The following SLC38A10 variants were observed in gnomAD, a reference collection of about 807,000 sequenced individuals.
SLC38A10 encodes solute carrier family 38 member 10.
A neutral mutation model predicts 81.0 loss-of-function variants in SLC38A10; 53 were observed. The observed-to-expected ratio is 0.65, with a 90% CI of 0.53 to 0.82. The LOEUF is 0.82. Ranked by LOEUF, SLC38A10 falls within the 40% of genes least tolerant of loss-of-function variation. SLC38A10 has a pLI of 0.00. For missense variants in SLC38A10, 1,471 were observed against 1,545.0 expected (o/e 0.95, Z 0.80); for synonymous variants, 665 against 655.3 (o/e 1.01, Z -0.23).
rs1473128524 is a variant in SLC38A10, at chr17:81,270,939, G to C, written c.1110C>G (p.His370Gln). Residue 370 changes from histidine (H) to glutamine (Q), a missense_variant, in exon 10 of 16, where the codon CAC becomes CAG. This residue lies in a region of SLC38A10 where 720 missense variants were observed against 827.7 expected (regional missense o/e 0.87). Transcript: ENST00000374759. The surrounding 1 kb of genome is among the most constrained non-coding windows in gnomAD (Gnocchi z 4.0). ...GCACCTGGGAGGAAAGTGCGTTCTTGTGGATTTTCTTGTAGATCAGCGCCG... is the reference window on the plus strand; with the variant it reads ...GCACCTGGGAGGAAAGTGCGTTCTTCTGGATTTTCTTGTAGATCAGCGCCG... The part of the protein sequence containing the change: ...ICPALIYKKI[H>Q]KNALSSQVVL... 4 of 1,614,016 alleles carry C rather than the reference G, an allele frequency of 2.5e-6. No individual in the cohort carries two copies. The highest frequency in any genetic ancestry group is 1.7e-5 in the Admixed American group (1 of 60,026).
At chr17:81,294,686 G>C in intron 1 of SLC38A10, 137 bp downstream of exon 1, 1 of 664,330 alleles carries the variant, frequency 1.5e-6, no homozygotes, top group Non-Finnish European at 2.3e-6. Context: ...GGGACCCAGA[G>C]GGTCGCCCCG....
chr17:81,288,113 G>A lies in SLC38A10; in HGVS notation c.217+1578C>T, dbSNP rs1222830590. Among the ~76,000 whole-genome samples the A allele has an allele frequency of 2.0e-5, 3 of 152,220 alleles. No individual in the cohort carries two copies. Among genetic ancestry groups the A allele is most frequent in the African/African-American group, 7.2e-5 (3 of 41,454 alleles). On this transcript the variant is annotated intron_variant, in intron 2 of 15. Coordinates refer to ENST00000374759, the MANE Select transcript of SLC38A10 (RefSeq NM_001037984.3). This position sits in a 1 kb window ranked among gnomAD's most constrained non-coding sequence, Gnocchi z 5.4. ...CACCATTCTCATCAGGAAGGGAGGA[G>A]AAGGAATACATCCCCTCCGGTTCTG...
In SLC38A10 at chr17:81,252,536, T is replaced by C. The variant is rs1440259708; in HGVS notation, c.1604A>G (p.Gln535Arg). The C allele has an allele frequency of 6.2e-7, 1 of 1,613,388 alleles. No individual in the cohort carries two copies. Among genetic ancestry groups the C allele is most frequent in the South Asian group, 1.1e-5 (1 of 91,086 alleles). Residue 535 changes from glutamine to arginine, a missense_variant, in exon 13 of 16, where the codon CAG becomes CGG. This residue lies in a region of SLC38A10 where 720 missense variants were observed against 827.7 expected (regional missense o/e 0.87). Transcript: ENST00000374759. The part of the protein sequence containing the change: ...RHAGGKAPGV[Q>R]GQMAPPLPDS... ...GGGCAGAGGCGGCGCCATCTGGCCC[T>C]GGACCCCTGGAGCCTTTCCGCCCGC...
Position 81,277,332 on chromosome 17 carries a change from C to T in SLC38A10, c.627-199G>A, listed in dbSNP as rs2063171068. On this transcript the variant is annotated intron_variant, in intron 6 of 15. Coordinates refer to ENST00000374759, the MANE Select transcript of SLC38A10 (RefSeq NM_001037984.3). The surrounding 1 kb of genome is among the most constrained non-coding windows in gnomAD (Gnocchi z 4.5). Reference sequence around the variant, plus strand: ...CAGGAGCGTTGCAGCAGCCCCCACTCAGGACACCCCCCAGAGCGTGCACCA... The same window carrying T: ...CAGGAGCGTTGCAGCAGCCCCCACTTAGGACACCCCCCAGAGCGTGCACCA... 6.6e-6 allele frequency among the ~76,000 whole-genome samples: 1 copy of T among 152,198 alleles called. No homozygotes were observed.
rs2062937894 is a variant in SLC38A10, at chr17:81,253,316, C to G, written c.1289-76G>C. 6.6e-7 allele frequency: 1 copy of G among 1,516,356 alleles called. No individual in the cohort carries two copies. The highest frequency in any genetic ancestry group is 1.2e-5 in the South Asian group (1 of 81,324). 93.9% of individuals were successfully genotyped at this position (1,516,356 alleles called of 1,614,324 possible). On this transcript the variant is annotated intron_variant, in intron 11 of 15. Transcript: ENST00000374759. This position sits in a 1 kb window ranked among gnomAD's most constrained non-coding sequence, Gnocchi z 4.1. Reference sequence around the variant, plus strand: ...CGGGGCAGCTCTCCCTGGACTGTTACCATATTTTCCAGCCAAATGGCAGAG... The same window carrying G: ...CGGGGCAGCTCTCCCTGGACTGTTAGCATATTTTCCAGCCAAATGGCAGAG...
At position 81,271,105 on chromosome 17, in the gene SLC38A10, G is replaced by A. The variant is rs922432394; in HGVS notation, c.1025-81C>T. The A allele has an allele frequency of 2.7e-5, 31 of 1,134,414 alleles. No individual in the cohort carries two copies. In the Admixed American group the frequency reaches 2.9e-4, roughly 11 times the overall value. 70.3% of individuals were successfully genotyped at this position (1,134,414 alleles called of 1,614,324 possible). A position where few individuals can be genotyped will look rare whatever the true frequency, so the allele number is the denominator to read the frequency against. On this transcript the variant is annotated intron_variant, in intron 9 of 15. Transcript: ENST00000374759. ...GGACCTGAGCTTTTGCCCTGCACAC[G>A]GGTGAGCAAGCCAGCATTGAAGGAA...
chr17:81,257,873 G>A (rs2062987205), intron 11 of SLC38A10, among the ~76,000 whole-genome samples: 1 of 152,272 alleles, frequency 6.6e-6, no homozygotes, highest in South Asian at 2.1e-4. Context: ...CAGCAAGGGA[G>A]GGGCGTGCAG....
intron 9 of SLC38A10, among the ~76,000 whole-genome samples, chr17:81,271,748 ATTT>A (rs756214430): frequency 4.1e-5 from 5 of 121,138 alleles, no homozygotes; most frequent in South Asian, 2.7e-4. Flanking sequence ...AAGCTGACAG[ATTT>A]TTTTTTTTTT....
chr17:81,252,609 C>T lies in SLC38A10; in HGVS notation c.1531G>A (p.Gly511Ser), dbSNP rs751290805. 35 of 1,612,976 alleles carry T rather than the reference C, an allele frequency of 2.2e-5. No individual in the cohort carries two copies. Among genetic ancestry groups the T allele is most frequent in the Non-Finnish European group, 2.7e-5 (32 of 1,180,026 alleles). ...VPHDKVVVDE[G>S]QDREVPEENK... ...TCTTCTGGCACCTCTCGGTCTTGGC[C>T]TTCATCTACCACCACCTTGTCGTGA... Residue 511 changes from glycine to serine, a missense_variant, in exon 13 of 16, where the codon GGC becomes AGC. Physicochemically the swap from Gly to Ser is moderately conservative, Grantham distance 56. Coordinates refer to ENST00000374759, the MANE Select transcript of SLC38A10 (RefSeq NM_001037984.3).
rs1356024416 is a variant in SLC38A10, at chr17:81,245,360, C to T, written c.*196G>A. The T allele has an allele frequency of 1.6e-5, 11 of 667,358 alleles. No individual in the cohort carries two copies. Among genetic ancestry groups the T allele is most frequent in the East Asian group, 6.2e-5 (2 of 32,500 alleles). The allele number at this position is 667,358 out of a possible 1,614,324, so 41.3% of individuals were successfully genotyped here. ...CCTCAGACTAAGAGCTGCAACAGAA[C>T]GACAGCAAGAACATTCTGGAAACGA... On this transcript the variant is annotated 3_prime_UTR_variant, in exon 16 of 16. Coordinates refer to ENST00000374759, the MANE Select transcript of SLC38A10 (RefSeq NM_001037984.3).
chr17:81,256,202 C>G (rs72860038), intron 11 of SLC38A10, among the ~76,000 whole-genome samples: 10,267 of 152,344 alleles, frequency 0.067, 388 homozygotes, highest in East Asian at 0.13. Flanking sequence ...ACTTTCCTCC[C>G]TGCTGTCTAG....
At position 81,281,390 on chromosome 17, in the gene SLC38A10, G is replaced by C. The variant is rs187743227; in HGVS notation, c.502-657C>G. Among the ~76,000 whole-genome samples, 83 of 152,268 alleles carry C rather than the reference G, an allele frequency of 5.5e-4. No individual in the cohort carries two copies. Among genetic ancestry groups the C allele is most frequent in the African/African-American group, 1.9e-3 (81 of 41,560 alleles). On this transcript the variant is annotated intron_variant, in intron 5 of 15. Coordinates refer to ENST00000374759, the MANE Select transcript of SLC38A10 (RefSeq NM_001037984.3). This position sits in a 1 kb window ranked among gnomAD's most constrained non-coding sequence, Gnocchi z 5.3. The stretch of plus-strand genomic sequence containing the variant: ...ATGGGCAGGGGCCTGGCAGAGAATG[G>C]AGGGTGTGCTGGGGGCTCTGGGTGG...
chr17:81,283,310 C>T lies in SLC38A10; in HGVS notation c.357+99G>A, dbSNP rs927168544. 3 of 1,095,056 alleles carry T rather than the reference C, an allele frequency of 2.7e-6. No homozygotes were observed. Among genetic ancestry groups the T allele is most frequent in the Non-Finnish European group, 4.0e-6 (3 of 743,786 alleles). 67.8% of individuals were successfully genotyped at this position (1,095,056 alleles called of 1,614,324 possible). A position where few individuals can be genotyped will look rare whatever the true frequency, so the allele number is the denominator to read the frequency against. ...CAGCAGGCTCGACAGAAGCTTCTCC[C>T]GACCAGCACCCAGGTCTCGGTCCTC... On this transcript the variant is annotated intron_variant, in intron 4 of 15. Coordinates refer to ENST00000374759, the MANE Select transcript of SLC38A10 (RefSeq NM_001037984.3). This position sits in a 1 kb window ranked among gnomAD's most constrained non-coding sequence, Gnocchi z 4.7.
At chr17:81,251,164 C>A (rs780346933) in intron 14 of SLC38A10, 2 of 1,524,950 alleles carry the variant, frequency 1.3e-6, no homozygotes. Context: ...AACAAACCTG[C>A]TTTAAAGACG....
intron 13 of SLC38A10, 128 bp downstream of exon 13, chr17:81,252,067 G>C: frequency 7.4e-7 from 1 of 1,344,048 alleles, no homozygotes; most frequent in South Asian, 1.6e-5. Flanking sequence ...CGCTCCATTT[G>C]CATGCTAATC....
intron 10 of SLC38A10, among the ~76,000 whole-genome samples, chr17:81,261,860 C>T (rs2063026868): frequency 1.3e-5 from 2 of 152,226 alleles, no homozygotes; most frequent in South Asian, 4.1e-4. Context: ...GCCCCAGGTG[C>T]ACACGGGGAC....
chr17:81,285,109 A>G (rs2063251873), intron 2 of SLC38A10: 1 of 442,418 alleles, frequency 2.3e-6, no homozygotes, highest in East Asian at 3.6e-5. Context: ...GAGCAAGGGA[A>G]GGACAGGAGG....
At chr17:81,249,109 A>C (rs1214012913) in intron 14 of SLC38A10, among the ~76,000 whole-genome samples, 14 of 150,926 alleles carry the variant, frequency 9.3e-5, no homozygotes, top group Non-Finnish European at 3.0e-5. Context: ...GGGTTCCGAA[A>C]GAGCAGGCAC....
At chr17:81,275,929 C>CTGTG in intron 8 of SLC38A10, 40 bp downstream of exon 8, 1 of 1,579,082 alleles carries the variant, frequency 6.3e-7, no homozygotes, top group South Asian at 1.1e-5. Flanking sequence ...CGAGCCTGAC[C>CTGTG]TGTGCTATTA....
Sources: allele counts gnomAD v4.1 joint callset (sites outside exome capture counted in the v4.1 genomes callset), GRCh38; gene constraint gnomAD v4.1.1; regional missense constraint gnomAD v4.1.1; non-coding constraint Gnocchi (gnomAD v3.1); transcripts MANE v1.5; gene names NCBI Gene and HGNC (gene_info 2026-07-23, HGNC 2026-07-21).